The following NSMCE2 variants were observed in gnomAD, a reference collection of about 807,000 sequenced individuals.
NSMCE2 encodes E3 SUMO-protein ligase NSE2.
In NSMCE2, 24 loss-of-function variants were observed where a neutral mutation model predicts 23.8. That is an observed-to-expected ratio of 1.01 (90% CI 0.73 to 1.42). The LOEUF is 1.42. NSMCE2 is among the 40% of genes most tolerant of loss of function. NSMCE2 has a pLI of 0.00. For synonymous variants in NSMCE2, 92 were observed against 94.1 expected (o/e 0.98, Z 0.13); for missense variants, 284 against 296.5 (o/e 0.96, Z 0.31).
intron 5 of NSMCE2, among the ~76,000 whole-genome samples, chr8:125,191,916 T>C (rs1003247905): frequency 6.6e-6 from 1 of 152,142 alleles, no homozygotes; most frequent in Non-Finnish European, 1.5e-5. Flanking sequence ...ACCCAGTGTC[T>C]CACAGTCAAG....
intron 5 of NSMCE2, among the ~76,000 whole-genome samples, chr8:125,237,873 C>G (rs938612101): frequency 2.0e-5 from 3 of 152,162 alleles, no homozygotes; most frequent in African/African-American, 7.2e-5. Context: ...CTGGAGTTCT[C>G]AGAAGTTATT....
intron 7 of NSMCE2, among the ~76,000 whole-genome samples, chr8:125,363,747 G>A (rs2129669925): frequency 6.6e-6 from 1 of 152,120 alleles, no homozygotes; most frequent in East Asian, 1.9e-4. Context: ...CACAGCGTAG[G>A]GGGACAGGCT....
Position 125,316,770 on chromosome 8 carries a change from T to TC in NSMCE2, c.419-40448dup, listed in dbSNP as rs1829222465. Among the ~76,000 whole-genome samples, 3 of 141,662 alleles carry TC rather than the reference T, an allele frequency of 2.1e-5. 1 individual carries two copies. The highest frequency in any genetic ancestry group is 5.4e-5 in the African/African-American group (2 of 36,802). 92.9% of individuals were successfully genotyped at this position (141,662 alleles called of 152,430 possible). On this transcript the variant is annotated intron_variant, in intron 5 of 7. Transcript: ENST00000287437. ...TTCCTTCCTTCCTTCCTTCCTTCCT[T>TC]CTCTCTCTCTCTTTCTTTCTTTCTT...
intron 4 of NSMCE2, among the ~76,000 whole-genome samples, chr8:125,175,109 A>G (rs980570775): frequency 1.3e-5 from 2 of 152,134 alleles, no homozygotes; most frequent in African/African-American, 4.8e-5. Flanking sequence ...ATGCCTTTTA[A>G]GAACAACTTT....
At chr8:125,200,288 G>T (rs542119033) in intron 5 of NSMCE2, among the ~76,000 whole-genome samples, 2 of 152,154 alleles carry the variant, frequency 1.3e-5, no homozygotes, top group African/African-American at 4.8e-5. Context: ...TTACAGTTTG[G>T]CATGTTTTTG....
intron 5 of NSMCE2, among the ~76,000 whole-genome samples, chr8:125,282,818 A>G (rs989312442): frequency 2.6e-5 from 4 of 152,268 alleles, no homozygotes; most frequent in Admixed American, 6.5e-5. Flanking sequence ...GTTATACACA[A>G]TGCCATGTGT....
intron 3 of NSMCE2, among the ~76,000 whole-genome samples, chr8:125,129,544 C>CTGTGTGTGTGTGTGTGTG (rs10578122): frequency 6.9e-6 from 1 of 145,358 alleles, no homozygotes; most frequent in Non-Finnish European, 1.5e-5. Flanking sequence ...AGATTTGGCT[C>CTGTGTGTGTGTGTGTGTG]TGTGTGTGTG....
intron 5 of NSMCE2, among the ~76,000 whole-genome samples, chr8:125,333,711 C>CG (rs1297406848): frequency 1.3e-5 from 2 of 151,584 alleles, no homozygotes; most frequent in Non-Finnish European, 2.9e-5. Flanking sequence ...GACGGGGTTT[C>CG]ACCATTTTAG....
At chr8:125,134,982 A>G (rs1819989993) in intron 3 of NSMCE2, among the ~76,000 whole-genome samples, 1 of 152,050 alleles carries the variant, frequency 6.6e-6, no homozygotes, top group African/African-American at 2.4e-5. Context: ...ATATTGGCTT[A>G]TTGCAAAGTT....
At chr8:125,195,879 C>CTTTT (rs34687223) in intron 5 of NSMCE2, among the ~76,000 whole-genome samples, 91 of 83,642 alleles carry the variant, frequency 1.1e-3, no homozygotes, top group Middle Eastern at 0.01. Context: ...TCCTGAATAA[C>CTTTT]TTTTTTTTTT....
chr8:125,259,182 A>G (rs1826573003), intron 5 of NSMCE2, among the ~76,000 whole-genome samples: 1 of 151,538 alleles, frequency 6.6e-6, no homozygotes, highest in South Asian at 2.1e-4. Flanking sequence ...GAGCCACTGT[A>G]CCTGGCCTAC....
chr8:125,264,992 A>C (rs548479253), intron 5 of NSMCE2, among the ~76,000 whole-genome samples: 1 of 152,086 alleles, frequency 6.6e-6, no homozygotes, highest in Non-Finnish European at 1.5e-5. Context: ...GAGAGTCCTC[A>C]CCTCAGGCAC....
intron 5 of NSMCE2, among the ~76,000 whole-genome samples, chr8:125,243,758 CT>C (rs1825850290): frequency 6.6e-6 from 1 of 152,118 alleles, no homozygotes; most frequent in Non-Finnish European, 1.5e-5. Flanking sequence ...AAGAGAATTA[CT>C]TTGTATCCAA....
intron 5 of NSMCE2, among the ~76,000 whole-genome samples, chr8:125,349,432 A>G (rs1563799632): frequency 6.6e-6 from 1 of 152,212 alleles, no homozygotes; most frequent in African/African-American, 2.4e-5. Context: ...CATAGTTTCA[A>G]GAGAAAAGTG....
At chr8:125,142,231 C>T (rs1820409988) in intron 3 of NSMCE2, among the ~76,000 whole-genome samples, 1 of 152,084 alleles carries the variant, frequency 6.6e-6, no homozygotes, top group Non-Finnish European at 1.5e-5. Context: ...TCATTTAGTC[C>T]TCATATCAGC....
intron 5 of NSMCE2, among the ~76,000 whole-genome samples, chr8:125,275,679 G>T (rs1402434887): frequency 1.3e-5 from 2 of 152,198 alleles, no homozygotes; most frequent in East Asian, 1.9e-4. Context: ...AGGAAACGAA[G>T]TACTATTTAT....
rs565765358 is a variant in NSMCE2, at chr8:125,357,729, A to G, written c.537A>G (p.Pro179=). ...CPITKEEMKK[P]VKNKVCGHTY... ...GATTACAGGAGGAAATGAAGAAGCC[A>G]GTGAAAAATAAAGTGTGTGGCCACA... is the stretch of plus-strand genomic sequence containing the variant. Residue 179 remains proline (P), a synonymous_variant, in exon 7 of 8, where the codon CCA becomes CCG. Transcript: ENST00000287437. 2.5e-6 allele frequency: 4 copies of G among 1,613,116 alleles called. No homozygotes were observed. In the African/African-American group the frequency reaches 5.3e-5, roughly 22 times the overall value.
At chr8:125,129,892 G>T (rs767128315) in intron 3 of NSMCE2, among the ~76,000 whole-genome samples, 14 of 152,026 alleles carry the variant, frequency 9.2e-5, no homozygotes, top group Non-Finnish European at 1.9e-4. Flanking sequence ...TCCCTCAGTT[G>T]TTAAGAAGAT....
chr8:125,360,533 G>A (rs112368329), intron 7 of NSMCE2, among the ~76,000 whole-genome samples: 5 of 152,252 alleles, frequency 3.3e-5, no homozygotes, highest in African/African-American at 4.8e-5. Context: ...ATCAATCAGC[G>A]GAAGAAGACC....
Sources: allele counts gnomAD v4.1 joint callset (sites outside exome capture counted in the v4.1 genomes callset), GRCh38; gene constraint gnomAD v4.1.1; transcripts MANE v1.5; gene names NCBI Gene and HGNC (gene_info 2026-07-23, HGNC 2026-07-21).